Variants in NRXN1 observed in about 807,000 individuals in gnomAD.
NRXN1 encodes the protein neurexin-1.
Under a neutral mutation model 150.9 loss-of-function variants are expected in NRXN1, and 39 were observed. The observed-to-expected ratio is 0.26, with a 90% CI of 0.20 to 0.34. NRXN1 has a LOEUF of 0.34. NRXN1 is among the 10% of genes least tolerant of loss of function. The pLI, the probability that NRXN1 is intolerant of heterozygous loss-of-function variation, is 1.00. For missense variants in NRXN1, 1,815 were observed against 1,949.9 expected, an observed-to-expected ratio of 0.93 and a Z score of 1.30; for synonymous variants, 924 against 757.0, an observed-to-expected ratio of 1.22 and a Z score of -3.62.
intron 21 of NRXN1, among the ~76,000 whole-genome samples, chr2:50,039,921 G>C (rs1245026077): frequency 6.6e-6 from 1 of 152,136 alleles, no homozygotes; most frequent in African/African-American, 2.4e-5. Context: ...CCTAGAGGTG[G>C]AAAAATTCTC....
At chr2:50,459,966 G>T (rs1036615373) in intron 17 of NRXN1, among the ~76,000 whole-genome samples, 1 of 152,012 alleles carries the variant, frequency 6.6e-6, no homozygotes, top group African/African-American at 2.4e-5. Flanking sequence ...TGATAAACAC[G>T]GATATATAAT....
At chr2:50,219,956 A>ATATTATAT (rs1553776175) in intron 18 of NRXN1, among the ~76,000 whole-genome samples, 3 of 82,524 alleles carry the variant, frequency 3.6e-5, no homozygotes, top group African/African-American at 2.0e-4. Flanking sequence ...TATATATAAT[A>ATATTATAT]TATATATTAT....
intron 18 of NRXN1, among the ~76,000 whole-genome samples, chr2:50,148,198 C>G (rs1194432185): frequency 6.6e-6 from 1 of 151,422 alleles, no homozygotes; most frequent in Non-Finnish European, 1.5e-5. Context: ...TCATTTGCAA[C>G]CTAGACACTT....
chr2:50,350,572 G>T (rs192954399), intron 17 of NRXN1, among the ~76,000 whole-genome samples: 1 of 152,116 alleles, frequency 6.6e-6, no homozygotes, highest in East Asian at 1.9e-4. Context: ...TAAATAACAA[G>T]GATCAACTGT....
intron 17 of NRXN1, among the ~76,000 whole-genome samples, chr2:50,334,221 A>G (rs1312370482): frequency 7.0e-6 from 1 of 142,888 alleles, no homozygotes; most frequent in Non-Finnish European, 1.5e-5. Context: ...ATGTATGTAG[A>G]TATTGTTTAA....
At chr2:49,968,223 C>T (rs554663659) in intron 21 of NRXN1, among the ~76,000 whole-genome samples, 21 of 151,718 alleles carry the variant, frequency 1.4e-4, no homozygotes, top group African/African-American at 3.4e-4. Flanking sequence ...TTTATAAGAA[C>T]GCTCAATTAT....
intron 17 of NRXN1, among the ~76,000 whole-genome samples, chr2:50,369,355 G>C (rs1433343536): frequency 6.6e-6 from 1 of 151,880 alleles, no homozygotes; most frequent in Non-Finnish European, 1.5e-5. Context: ...CAAACTATCA[G>C]TTTCAGATTA....
intron 17 of NRXN1, among the ~76,000 whole-genome samples, chr2:50,278,247 T>TATATATA (rs1394860424): frequency 8.0e-5 from 9 of 111,968 alleles, no homozygotes; most frequent in African/African-American, 3.3e-4. Context: ...ATATAATATA[T>TATATATA]ATATATATTA....
At chr2:50,861,884 T>C (rs762821709) in intron 5 of NRXN1, among the ~76,000 whole-genome samples, 5 of 152,026 alleles carry the variant, frequency 3.3e-5, no homozygotes, top group African/African-American at 4.8e-5. Context: ...CTCGAACATG[T>C]TTATAATCTG....
chr2:50,169,157 A>G (rs746614625), intron 18 of NRXN1, among the ~76,000 whole-genome samples: 71 of 152,282 alleles, frequency 4.7e-4, no homozygotes, highest in Non-Finnish European at 8.4e-4. Flanking sequence ...TTTTCATTTC[A>G]CAAATTAGGA....
chr2:50,717,458 G>A (rs996333451), intron 5 of NRXN1, among the ~76,000 whole-genome samples: 4 of 152,042 alleles, frequency 2.6e-5, no homozygotes, highest in African/African-American at 7.2e-5. Flanking sequence ...GTAGCTAACT[G>A]TGAATTTTTA....
At chr2:50,945,223 C>T (rs2104527907) in intron 2 of NRXN1, among the ~76,000 whole-genome samples, 1 of 152,272 alleles carries the variant, frequency 6.6e-6, no homozygotes, top group South Asian at 2.1e-4. Context: ...GCCTGTAATT[C>T]CAGCAATTTG....
chr2:49,959,030 T>C (rs550268145), intron 21 of NRXN1, among the ~76,000 whole-genome samples: 1 of 152,306 alleles, frequency 6.6e-6, no homozygotes, highest in Non-Finnish European at 1.5e-5. Flanking sequence ...GTTAGTTTCT[T>C]CCAAATGCAA....
rs36069065 is a variant in NRXN1 at position 50,947,277 on chromosome 2, C to T, written c.773-21322G>A. 6.4e-3 allele frequency among the ~76,000 whole-genome samples: 972 copies of T among 152,074 alleles called. 6 individuals are homozygous for T. Among genetic ancestry groups the T allele is most frequent in the Non-Finnish European group, 7.8e-3 (531 of 67,912 alleles). ...CTAGCATAATCCCTGACATGTACTA[C>T]GCATTCAATAAATGTTTGGTGAATG... On this transcript the variant is annotated intron_variant, in intron 2 of 22. Coordinates refer to ENST00000401669, the MANE Select transcript of NRXN1 (RefSeq NM_001330078.2).
At chr2:50,933,906 T>C (rs1391343111) in intron 2 of NRXN1, among the ~76,000 whole-genome samples, 1 of 152,178 alleles carries the variant, frequency 6.6e-6, no homozygotes, top group Non-Finnish European at 1.5e-5. Context: ...TTTAAAAATG[T>C]ATAATAAGAA....
intron 5 of NRXN1, among the ~76,000 whole-genome samples, chr2:50,844,441 T>C (rs1177403924): frequency 2.0e-5 from 3 of 152,318 alleles, no homozygotes; most frequent in East Asian, 3.9e-4. Flanking sequence ...ATTTGCAGGC[T>C]GGCTGCCAGT....
chr2:50,219,990 TATA>T (rs1234967668), intron 18 of NRXN1, among the ~76,000 whole-genome samples: 1 of 37,386 alleles, frequency 2.7e-5, no homozygotes, highest in Non-Finnish European at 5.1e-5. Context: ...ATATATTATA[TATA>T]ATATATATTA....
chr2:50,945,179 T>G (rs987232090), intron 2 of NRXN1, among the ~76,000 whole-genome samples: 15 of 152,180 alleles, frequency 9.9e-5, no homozygotes, highest in African/African-American at 3.6e-4. Flanking sequence ...AAATAATACA[T>G]AAACAAACAT....
At chr2:50,327,276 C>T (rs1171081295) in intron 17 of NRXN1, among the ~76,000 whole-genome samples, 1 of 151,998 alleles carries the variant, frequency 6.6e-6, no homozygotes, top group Non-Finnish European at 1.5e-5. Context: ...TCCAAAGAAA[C>T]CAGACACAAA....
Sources: allele counts gnomAD v4.1 joint callset (sites outside exome capture counted in the v4.1 genomes callset), GRCh38; gene constraint gnomAD v4.1.1; transcripts MANE v1.5; gene names NCBI Gene and HGNC (gene_info 2026-07-23, HGNC 2026-07-21).